The following TTC8 variants were observed in gnomAD, a reference collection of about 807,000 sequenced individuals.
The protein encoded by TTC8 is tetratricopeptide repeat protein 8.
In TTC8, 47 loss-of-function variants were observed where a neutral mutation model predicts 72.5. The observed-to-expected ratio is 0.65, with a 90% CI of 0.51 to 0.83. The LOEUF is 0.83. Among genes scored for constraint, TTC8 ranks in the 40% least tolerant of loss-of-function variants. The probability of loss-of-function intolerance (pLI) is 0.00; values close to 1 mark genes in which losing one functional copy is unlikely to be tolerated. For missense variants in TTC8, 611 were observed against 623.2 expected (o/e 0.98, Z 0.21); for synonymous variants, 199 against 221.4 (o/e 0.90, Z 0.90).
chr14:88,879,066 T>C (rs1373221009), downstream of TTC8: 1 of 152,218 alleles, frequency 6.6e-6, no homozygotes, highest in Non-Finnish European at 1.5e-5. Flanking sequence ...GAAAGTTGAA[T>C]AATAAGGGAA....
At position 88,857,232 on chromosome 14, in the gene TTC8, C is replaced by G; in HGVS notation, c.753C>G (p.Ala251=). 6.2e-7 allele frequency: 1 copy of G among 1,613,740 alleles called. No individual in the cohort carries two copies. Among genetic ancestry groups the G allele is most frequent in the Non-Finnish European group, 8.5e-7 (1 of 1,179,884 alleles). ...YREAEKQFKS[A]LKQQEMVDTF... is the part of the protein sequence containing the mutation. ...AAGCAGAAAAACAGTTTAAATCAGC[C>G]CTGAAGCAGCAGGAAATGGTAGATA... Residue 251 remains alanine (A), a synonymous_variant, in exon 9 of 15, where the codon GCC becomes GCG. Transcript: ENST00000380656.
intron 3 of TTC8, among the ~76,000 whole-genome samples, chr14:88,839,885 T>C (rs1357857523): frequency 6.6e-6 from 1 of 152,188 alleles, no homozygotes; most frequent in African/African-American, 2.4e-5. Flanking sequence ...GCTGATCATA[T>C]GGGAAAAATT....
chr14:88,852,837 C>G, intron 7 of TTC8, 134 bp from the exon 8 acceptor site: 3 of 761,138 alleles, frequency 3.9e-6, no homozygotes, highest in Non-Finnish European at 4.4e-6. Flanking sequence ...GAAACATGAG[C>G]AACTTGAGTT....
intron 14 of TTC8, among the ~76,000 whole-genome samples, chr14:88,875,867 G>C (rs1032267636): frequency 6.6e-6 from 1 of 152,134 alleles, no homozygotes; most frequent in African/African-American, 2.4e-5. Flanking sequence ...ACCAGCCACT[G>C]TTCTAGGTGC....
chr14:88,846,133 CCT>C (rs1263564313), intron 7 of TTC8, among the ~76,000 whole-genome samples: 1 of 151,862 alleles, frequency 6.6e-6, no homozygotes, highest in Non-Finnish European at 1.5e-5. Context: ...GTGGCGAAAC[CCT>C]GTCTCTACAA....
intron 1 of TTC8, among the ~76,000 whole-genome samples, chr14:88,826,428 G>A (rs2094701028): frequency 6.6e-6 from 1 of 151,832 alleles, no homozygotes; most frequent in Non-Finnish European, 1.5e-5. Flanking sequence ...GATGTGGCCG[G>A]GCACGGTGGC....
At chr14:88,824,300 G>T, upstream of TTC8, 1 of 188,674 alleles carries the variant, frequency 5.3e-6, no homozygotes. Flanking sequence ...GGAAGAAGTA[G>T]GACAGACACC....
chr14:88,872,422 G>A lies in TTC8; in HGVS notation c.1317G>A (p.Val439=). The A allele has an allele frequency of 1.2e-6, 2 of 1,614,008 alleles. No individual in the cohort carries two copies. The highest frequency in any genetic ancestry group is 1.7e-6 in the Non-Finnish European group (2 of 1,179,928). Reference sequence around the variant, plus strand: ...CCGAGGCCTACAACAACCTGGCTGTGCTGGAGATGCGGAAGGGCCACGTTG... The same window carrying A: ...CCGAGGCCTACAACAACCTGGCTGTACTGGAGATGCGGAAGGGCCACGTTG... ...NHAEAYNNLA[V]LEMRKGHVEQ... is the part of the protein sequence containing the mutation. Residue 439 remains valine (V), a synonymous_variant, in exon 13 of 15, where the codon GTG becomes GTA. Transcript: ENST00000380656.
chr14:88,830,981 G>A (rs2094723087), intron 1 of TTC8: 1 of 451,546 alleles, frequency 2.2e-6, no homozygotes, highest in African/African-American at 2.0e-5. Flanking sequence ...ACTCAGCAGA[G>A]TCCTGCTCTG....
Position 88,871,481 on chromosome 14 carries a change from A to G in TTC8, c.1050-68A>G, listed in dbSNP as rs1220236699. On this transcript the variant is annotated intron_variant, in intron 11 of 14. Coordinates refer to ENST00000380656, the MANE Select transcript of TTC8 (RefSeq NM_144596.4). This position sits in a 1 kb window ranked among gnomAD's most constrained non-coding sequence, Gnocchi z 4.1. ...ATTCATTTTTAACTGTGTAAAATAT[A>G]TATATATATGTCTTAAAACTTACAA... is the stretch of plus-strand genomic sequence containing the variant. 2 of 1,316,920 alleles carry G rather than the reference A, an allele frequency of 1.5e-6. No individual in the cohort carries two copies. The allele number at this position is 1,316,920 out of a possible 1,614,324, so 81.6% of individuals were successfully genotyped here.
At chr14:88,847,570 C>T (rs1331616325) in intron 7 of TTC8, among the ~76,000 whole-genome samples, 1 of 152,032 alleles carries the variant, frequency 6.6e-6, no homozygotes, top group African/African-American at 2.4e-5. Flanking sequence ...TTAAATGACA[C>T]TTGAGAAAAT....
At chr14:88,874,900 C>A (rs1416332107) in intron 13 of TTC8, 126 bp from the exon 14 acceptor site, 4 of 632,994 alleles carry the variant, frequency 6.3e-6, no homozygotes, top group Non-Finnish European at 1.1e-5. Flanking sequence ...CGGTATTTAT[C>A]ACAGGCTCGT....
At chr14:88,838,763 G>T (rs1178173630) in intron 2 of TTC8, among the ~76,000 whole-genome samples, 7 of 152,124 alleles carry the variant, frequency 4.6e-5, no homozygotes, top group Non-Finnish European at 7.4e-5. Context: ...TTCTTAATTA[G>T]CTTTTCCCTT....
chr14:88,844,445 A>C (rs1566839801), intron 7 of TTC8, among the ~76,000 whole-genome samples: 1 of 152,188 alleles, frequency 6.6e-6, no homozygotes. Flanking sequence ...GTCTGATTGC[A>C]TGTTTTCTCA....
chr14:88,827,439 T>C (rs1214201190), intron 1 of TTC8, among the ~76,000 whole-genome samples: 1 of 152,204 alleles, frequency 6.6e-6, no homozygotes, highest in Non-Finnish European at 1.5e-5. Flanking sequence ...TTATTTGTTT[T>C]ATTTGTTTGT....
rs563514300 is a variant in TTC8 at position 88,874,605 on chromosome 14, C to T, written c.1348-421C>T. Among the ~76,000 whole-genome samples, 194 of 152,056 alleles carry T rather than the reference C, an allele frequency of 1.3e-3. 1 individual carries two copies. Among genetic ancestry groups the T allele is most frequent in the African/African-American group, 4.2e-3 (174 of 41,486 alleles). ...ACAATGGTTTTTTTGGTTGTTATTA[C>T]ATTAAAGAAAAGGTAATTAGAGCCT... On this transcript the variant is annotated intron_variant, in intron 13 of 14. Coordinates refer to ENST00000380656, the MANE Select transcript of TTC8 (RefSeq NM_144596.4).
chr14:88,877,325 C>T lies in TTC8; in HGVS notation c.1463C>T (p.Ala488Val), dbSNP rs199649536. ...IGDLQRSYVAAQKSEAAFPDH... is the reference protein window; with the variant it reads ...IGDLQRSYVAVQKSEAAFPDH... ...GATCTGCAGAGAAGCTATGTTGCTG[C>T]GCAGAAGTCTGAAGCAGCATTTCCA... Residue 488 changes from alanine to valine, a missense_variant, in exon 15 of 15, where the codon GCG becomes GTG. Physicochemically the swap from Ala to Val is moderately conservative, Grantham distance 64. Coordinates refer to ENST00000380656, the MANE Select transcript of TTC8 (RefSeq NM_144596.4). 1.6e-4 allele frequency: 258 copies of T among 1,613,600 alleles called. 1 individual carries two copies. Among genetic ancestry groups the T allele is most frequent in the East Asian group, 1.2e-3 (54 of 44,794 alleles).
chr14:88,846,554 A>G (rs1248487328), intron 7 of TTC8: 22 of 1,077,256 alleles, frequency 2.0e-5, no homozygotes, highest in Non-Finnish European at 2.8e-5. Context: ...TAGGCAGATC[A>G]TAAGCCATTT....
Position 88,853,009 on chromosome 14 carries a change from G to A in TTC8, c.663G>A (p.Gln221=), listed in dbSNP as rs1258932790. 1.2e-6 allele frequency: 2 copies of A among 1,613,420 alleles called. No individual in the cohort carries two copies. The highest frequency in any genetic ancestry group is 4.5e-5 in the East Asian group (2 of 44,838). The stretch of plus-strand genomic sequence containing the variant: ...CTGCCCTCTCCACAGAACATTCTCA[G>A]TACAAGGACTGGTGGTGGAAAGTAC... ...DLAALSTEHS[Q]YKDWWWKVQI... Residue 221 remains glutamine, a synonymous_variant, in exon 8 of 15, where the codon CAG becomes CAA. Coordinates refer to ENST00000380656, the MANE Select transcript of TTC8 (RefSeq NM_144596.4).
Sources: allele counts gnomAD v4.1 joint callset (sites outside exome capture counted in the v4.1 genomes callset), GRCh38; gene constraint gnomAD v4.1.1; non-coding constraint Gnocchi (gnomAD v3.1); transcripts MANE v1.5; gene names NCBI Gene and HGNC (gene_info 2026-07-23, HGNC 2026-07-21).